Variants in INSL6 observed in about 807,000 individuals in gnomAD.
The protein encoded by INSL6 is insulin like 6.
In INSL6, 16 loss-of-function variants were observed where a neutral mutation model predicts 9.4. The observed-to-expected ratio is 1.70, with a 90% CI of 1.15 to 2.59. The LOEUF is 2.59. INSL6 is among the 30% of genes most tolerant of loss of function. The probability of loss-of-function intolerance (pLI) is 0.00; values close to 1 mark genes in which losing one functional copy is unlikely to be tolerated. For synonymous variants in INSL6, 154 were observed against 96.9 expected (o/e 1.59, Z -3.46); for missense variants, 391 against 257.3 (o/e 1.52, Z -3.56).
chr9:5,048,075 T>C, the INSL6 span, among the ~76,000 whole-genome samples: 2 of 152,232 alleles, frequency 1.3e-5, no homozygotes, highest in Non-Finnish European at 2.9e-5. Context: ...ATATATTTAT[T>C]GTCTTCTGAT....
intron 1 of INSL6, among the ~76,000 whole-genome samples, chr9:5,181,822 G>T (rs1290972412): frequency 6.6e-6 from 1 of 152,098 alleles, no homozygotes; most frequent in Non-Finnish European, 1.5e-5. Context: ...AATCCAAAAG[G>T]TTAACATGTA....
chr9:5,184,435 T>C (rs1825523513), intron 1 of INSL6, among the ~76,000 whole-genome samples: 2 of 152,230 alleles, frequency 1.3e-5, no homozygotes, highest in Non-Finnish European at 2.9e-5. Flanking sequence ...TAGTAAGATA[T>C]ACCAATGAAT....
chr9:5,103,632 G>T, the INSL6 span, among the ~76,000 whole-genome samples: 1 of 152,002 alleles, frequency 6.6e-6, no homozygotes, highest in Non-Finnish European at 1.5e-5. Context: ...TTCTCAGCAC[G>T]ACATCACACT....
At chr9:5,172,354 A>G (rs1825200203) in intron 1 of INSL6, among the ~76,000 whole-genome samples, 1 of 152,182 alleles carries the variant, frequency 6.6e-6, no homozygotes, top group African/African-American at 2.4e-5. Context: ...AACTATAAAA[A>G]CCCTAGAAGA....
intron 2 of INSL6, among the ~76,000 whole-genome samples, chr9:5,147,371 T>G (rs1336744553): frequency 6.6e-6 from 1 of 152,162 alleles, no homozygotes; most frequent in Non-Finnish European, 1.5e-5. Context: ...TTAGGGTTTT[T>G]GCTCCTTTGT....
chr9:5,081,721 C>T, the INSL6 span: 2 of 1,582,580 alleles, frequency 1.3e-6, no homozygotes, highest in South Asian at 2.2e-5. Flanking sequence ...CTTTATTTCT[C>T]CAGATTATGA....
At chr9:5,097,840 ACCAC>A in the INSL6 span, 1 of 152,164 alleles carries the variant, frequency 6.6e-6, no homozygotes, top group African/African-American at 2.4e-5. Flanking sequence ...AGGAGGCTTT[ACCAC>A]TGGTTCCCCC....
intron 2 of INSL6, among the ~76,000 whole-genome samples, chr9:5,148,651 G>C (rs926890369): frequency 5.3e-5 from 8 of 152,194 alleles, no homozygotes; most frequent in Non-Finnish European, 8.8e-5. Context: ...TTTCCTGAGA[G>C]TGTGGGCTCC....
chr9:4,996,196 T>A, the INSL6 span, among the ~76,000 whole-genome samples: 1 of 152,140 alleles, frequency 6.6e-6, no homozygotes, highest in Non-Finnish European at 1.5e-5. Context: ...TAGAATAATA[T>A]TTTTAAGCTT....
the INSL6 span, among the ~76,000 whole-genome samples, chr9:5,042,268 G>C: frequency 6.6e-6 from 1 of 151,654 alleles, no homozygotes; most frequent in African/African-American, 2.4e-5. Flanking sequence ...CTCCCAAGTA[G>C]CTGGGACTAC....
chr9:5,084,133 T>C, the INSL6 span, among the ~76,000 whole-genome samples: 1 of 152,156 alleles, frequency 6.6e-6, no homozygotes, highest in African/African-American at 2.4e-5. Context: ...TTGAAGAGAC[T>C]CTAAGGAAGG....
At chr9:5,123,832 A>AT (rs1011937902), downstream of INSL6, among the ~76,000 whole-genome samples, 25 of 142,886 alleles carry the variant, frequency 1.7e-4, no homozygotes, top group East Asian at 1.8e-3. Context: ...TCTCTCTCTC[A>AT]TTTTTTTTTC....
the INSL6 span, chr9:5,109,864 C>T: frequency 3.3e-5 from 5 of 152,168 alleles, no homozygotes; most frequent in African/African-American, 1.2e-4. Context: ...CAATATTCCA[C>T]CAACAAACTC....
At chr9:5,076,613 G>C in the INSL6 span, among the ~76,000 whole-genome samples, 35,767 of 152,020 alleles carry the variant, frequency 0.24, 4,587 homozygotes, top group South Asian at 0.3. Flanking sequence ...GGGATACCAA[G>C]AAATTCATGA....
the INSL6 span, among the ~76,000 whole-genome samples, chr9:5,045,696 A>G: frequency 2.0e-5 from 3 of 152,180 alleles, no homozygotes; most frequent in African/African-American, 7.2e-5. Flanking sequence ...GGCTTATTTC[A>G]CTTAGCATAA....
the INSL6 span, among the ~76,000 whole-genome samples, chr9:4,999,795 A>G: frequency 6.6e-6 from 1 of 152,232 alleles, no homozygotes; most frequent in Non-Finnish European, 1.5e-5. Context: ...CTAAGTTGCC[A>G]CAATTTATCA....
At chr9:5,124,187 T>C (rs1375302420) in exon 4 of INSL6, among the ~76,000 whole-genome samples, 1 of 151,980 alleles carries the variant, frequency 6.6e-6, no homozygotes, top group Non-Finnish European at 1.5e-5. Flanking sequence ...ATTATTGATT[T>C]TGCTATGCTG....
chr9:5,085,956 T>C, the INSL6 span: 2 of 1,127,316 alleles, frequency 1.8e-6, no homozygotes, highest in South Asian at 2.5e-5. Context: ...AGGATCGGTG[T>C]ATTTCTCACC....
chr9:5,016,998 A>G, the INSL6 span, among the ~76,000 whole-genome samples: 1 of 152,256 alleles, frequency 6.6e-6, no homozygotes. Context: ...AAGATAAAGA[A>G]GAATCTACAT....
Sources: gnomAD v4.1 joint callset for allele counts (sites outside exome capture counted in the v4.1 genomes callset) on GRCh38, gnomAD v4.1.1 for gene constraint, MANE v1.5 for transcripts, NCBI Gene and HGNC (gene_info 2026-07-23, HGNC 2026-07-21) for gene names.